The following VSTM4 variants were observed in gnomAD, a reference collection of about 807,000 sequenced individuals.
The protein encoded by VSTM4 is V-set and transmembrane domain containing 4, also known as V-set and transmembrane domain-containing protein 4.
VSTM4 carries 20 observed loss-of-function variants against 36.4 expected under a neutral mutation model. The observed-to-expected ratio is 0.55, with a 90% CI of 0.39 to 0.80. The LOEUF (loss-of-function observed/expected upper bound fraction) is 0.80, where lower values mean the gene tolerates loss of function less well. Among genes scored for constraint, VSTM4 ranks in the 30% least tolerant of loss-of-function variants. The pLI is 0.00. For synonymous variants in VSTM4, 182 were observed against 173.9 expected, an observed-to-expected ratio of 1.05 and a Z score of -0.37; for missense variants, 392 against 404.5, an observed-to-expected ratio of 0.97 and a Z score of 0.26.
Position 49,115,439 on chromosome 10 carries a change from G to C in VSTM4, c.47C>G (p.Pro16Arg). 4.8e-6 allele frequency: 5 copies of C among 1,045,100 alleles called. No homozygotes were observed. The highest frequency in any genetic ancestry group is 5.8e-6 in the Non-Finnish European group (5 of 863,638). The allele number at this position is 1,045,100 out of a possible 1,614,324, so 64.7% of individuals were successfully genotyped here. The stretch of plus-strand genomic sequence containing the variant: ...GGCCCCGCCGCGCTTACCCGGAGCC[G>C]GAGCCCGCGCCAGCAGCGCGGCCGC... Reference protein sequence around the residue: ...LAAAALLARAPAPEVCAALNV... With the variant: ...LAAAALLARARAPEVCAALNV... The change falls in exon 1 of 8, where the codon CCG (proline) becomes CGG (arginine). Residue 16 changes from proline (P) to arginine (R), a missense_variant. Physicochemically the swap from Pro to Arg is moderately radical, Grantham distance 103. Transcript: ENST00000332853.
At chr10:49,069,703 C>T (rs924107946) in intron 4 of VSTM4, among the ~76,000 whole-genome samples, 3 of 152,206 alleles carry the variant, frequency 2.0e-5, no homozygotes, top group Non-Finnish European at 4.4e-5. Flanking sequence ...GACAGGACCA[C>T]CTCTATCACC....
chr10:49,096,334 G>A (rs76211118), intron 2 of VSTM4, among the ~76,000 whole-genome samples: 6,103 of 152,192 alleles, frequency 0.04, 224 homozygotes, highest in Non-Finnish European at 0.044. Flanking sequence ...TACTTTTAGG[G>A]TGACAAACAG....
chr10:49,051,435 G>A (rs993139526), intron 5 of VSTM4, among the ~76,000 whole-genome samples: 1 of 116,352 alleles, frequency 8.6e-6, no homozygotes, highest in Non-Finnish European at 1.7e-5. Context: ...TCTCTTTGTT[G>A]CCCAGGCTGG....
At chr10:49,067,313 C>T (rs1843990963) in intron 4 of VSTM4, among the ~76,000 whole-genome samples, 2 of 152,230 alleles carry the variant, frequency 1.3e-5, no homozygotes, top group Non-Finnish European at 2.9e-5. Flanking sequence ...CTTGTCATTA[C>T]TTTTATCTTA....
chr10:49,096,456 G>A (rs1008427519), intron 2 of VSTM4, among the ~76,000 whole-genome samples: 7 of 152,126 alleles, frequency 4.6e-5, no homozygotes, highest in African/African-American at 1.7e-4. Flanking sequence ...AGTGAATTAC[G>A]ATTAAACTGC....
intron 7 of VSTM4, among the ~76,000 whole-genome samples, chr10:49,027,145 C>T (rs1194150442): frequency 1.3e-5 from 2 of 152,198 alleles, no homozygotes; most frequent in East Asian, 1.9e-4. Flanking sequence ...CCCTGCACAG[C>T]GAGCTACTGG....
Position 49,047,676 on chromosome 10 carries a change from C to T in VSTM4, c.776-632G>A, listed in dbSNP as rs561561720. On this transcript the variant is annotated intron_variant, in intron 6 of 7. Coordinates refer to ENST00000332853, the MANE Select transcript of VSTM4 (RefSeq NM_001031746.5). Reference sequence around the variant, plus strand: ...TTCTCTACTCCCTTCCCTCCCAGGTCCATGCTTTTCATCCCCCTGCAGTAC... The same window carrying T: ...TTCTCTACTCCCTTCCCTCCCAGGTTCATGCTTTTCATCCCCCTGCAGTAC... Among the ~76,000 whole-genome samples, 8 of 152,302 alleles carry T rather than the reference C, an allele frequency of 5.3e-5. No individual in the cohort carries two copies. In the South Asian group the frequency reaches 1.7e-3, roughly 32 times the overall value.
intron 2 of VSTM4, chr10:49,102,298 G>A: frequency 1.8e-6 from 1 of 564,280 alleles, no homozygotes; most frequent in Non-Finnish European, 2.2e-6. Flanking sequence ...CACCACACCT[G>A]GCTAATTTTT....
intron 1 of VSTM4, 73 bp downstream of exon 1, chr10:49,115,358 G>T: frequency 1.0e-6 from 1 of 959,468 alleles, no homozygotes; most frequent in Non-Finnish European, 1.2e-6. Flanking sequence ...CACCAGGCCC[G>T]GAGCCCCGGC....
chr10:49,090,735 C>A (rs1211631688), intron 2 of VSTM4, among the ~76,000 whole-genome samples: 1 of 152,232 alleles, frequency 6.6e-6, no homozygotes, highest in African/African-American at 2.4e-5. Flanking sequence ...CAAGTAGACT[C>A]TGTCCTGCCC....
chr10:49,046,117 C>T (rs964400676), intron 7 of VSTM4, among the ~76,000 whole-genome samples: 4 of 152,154 alleles, frequency 2.6e-5, no homozygotes, highest in Admixed American at 6.5e-5. Context: ...TGAGGACTCC[C>T]AAACCATGAG....
rs1590104696 is a variant in VSTM4, at chr10:49,069,999, T to A, written c.635-5263A>T. On this transcript the variant is annotated intron_variant, in intron 4 of 7. Transcript: ENST00000332853. ...CGGGCGCGGTGGCTCACGCCTGTAA[T>A]CCCAGCACTTTGGGAGGCCGAGGCG... Among the ~76,000 whole-genome samples, 2 of 126,440 alleles carry A rather than the reference T, an allele frequency of 1.6e-5. 1 individual carries two copies. Among genetic ancestry groups the A allele is most frequent in the Middle Eastern group, 7.4e-3 (2 of 270 alleles). The allele number at this position is 126,440 out of a possible 152,430, so 82.9% of individuals were successfully genotyped here.
At chr10:49,021,907 C>T (rs1400095310) in intron 7 of VSTM4, among the ~76,000 whole-genome samples, 1 of 152,068 alleles carries the variant, frequency 6.6e-6, no homozygotes, top group Non-Finnish European at 1.5e-5. Context: ...TGTAAATATG[C>T]ATGTATGCGT....
intron 7 of VSTM4, among the ~76,000 whole-genome samples, chr10:49,045,677 A>G (rs1215922014): frequency 6.6e-6 from 1 of 152,332 alleles, no homozygotes; most frequent in East Asian, 1.9e-4. Context: ...TCTAACAAAT[A>G]GAGTCTGGAA....
chr10:49,017,454 G>C lies in VSTM4; in HGVS notation c.*2196C>G, dbSNP rs1464459053. The stretch of plus-strand genomic sequence containing the variant: ...ATGCAGTGATGACCACAGTTTGGGA[G>C]AAAGAGGCTGGATTCAATCTATAAT... On this transcript the variant is annotated 3_prime_UTR_variant, in exon 8 of 8. Transcript: ENST00000332853. 6.6e-6 allele frequency: 1 copy of C among 152,260 alleles called. No individual in the cohort carries two copies. Among genetic ancestry groups the C allele is most frequent in the Non-Finnish European group, 1.5e-5 (1 of 68,060 alleles). The allele number at this position is 152,260 out of a possible 1,614,324, so 9.4% of individuals were successfully genotyped here.
At position 49,026,679 on chromosome 10, in the gene VSTM4, G is replaced by A. The variant is rs796782013; in HGVS notation, c.838-6904C>T. On this transcript the variant is annotated intron_variant, in intron 7 of 7. Coordinates refer to ENST00000332853, the MANE Select transcript of VSTM4 (RefSeq NM_001031746.5). ...AAAGAGGGCCCAGCTCATGGTGGGA[G>A]AGGATGGTGGGGCTCAGGATGTGGG... Among the ~76,000 whole-genome samples, 38 of 152,298 alleles carry A rather than the reference G, an allele frequency of 2.5e-4. 1 individual carries two copies. Among genetic ancestry groups the A allele is most frequent in the African/African-American group, 8.2e-4 (34 of 41,584 alleles).
At chr10:49,033,927 C>T (rs1843385378) in intron 7 of VSTM4, among the ~76,000 whole-genome samples, 1 of 152,024 alleles carries the variant, frequency 6.6e-6, no homozygotes, top group African/African-American at 2.4e-5. Flanking sequence ...CCATCCTCTT[C>T]ATCATCACTA....
Position 49,115,515 on chromosome 10 carries a change from G to T in VSTM4, c.-30C>A, listed in dbSNP as rs1844981471. The T allele has an allele frequency of 1.1e-5, 11 of 982,130 alleles. No homozygotes were observed. Among genetic ancestry groups the T allele is most frequent in the Non-Finnish European group, 1.2e-5 (10 of 829,172 alleles). The allele number at this position is 982,130 out of a possible 1,614,324, so 60.8% of individuals were successfully genotyped here. On this transcript the variant is annotated 5_prime_UTR_variant, in exon 1 of 8. Coordinates refer to ENST00000332853, the MANE Select transcript of VSTM4 (RefSeq NM_001031746.5). ...CCGCCGCCGCCCGGCGCTGTGACGC[G>T]GGAGAGCGCCGCCGCCTGGCCCGGC...
chr10:49,075,465 G>A (rs1286223868), intron 4 of VSTM4, among the ~76,000 whole-genome samples: 1 of 152,266 alleles, frequency 6.6e-6, no homozygotes, highest in Non-Finnish European at 1.5e-5. Context: ...TGAATTGAAT[G>A]TGTGGTCCCT....
Sources: allele counts gnomAD v4.1 joint callset (sites outside exome capture counted in the v4.1 genomes callset), GRCh38; gene constraint gnomAD v4.1.1; transcripts MANE v1.5; gene names NCBI Gene and HGNC (gene_info 2026-07-23, HGNC 2026-07-21).